Variants in MIR2052HG observed in about 807,000 individuals in gnomAD.
MIR2052HG encodes MIR2052 host gene.
intron 2 of MIR2052HG, among the ~76,000 whole-genome samples, chr8:74,682,519 GA>G (rs1563530908): frequency 6.6e-6 from 1 of 151,936 alleles, no homozygotes; most frequent in African/African-American, 2.4e-5. Context: ...AACATAAACA[GA>G]AAAACATATA....
intron 4 of MIR2052HG, among the ~76,000 whole-genome samples, chr8:74,740,350 G>C (rs1809813366): frequency 6.6e-6 from 1 of 152,114 alleles, no homozygotes; most frequent in Admixed American, 6.6e-5. Flanking sequence ...TATAATCCCA[G>C]CTACTTGGGA....
At chr8:74,669,630 C>T (rs1808969115) in intron 2 of MIR2052HG, among the ~76,000 whole-genome samples, 1 of 152,172 alleles carries the variant, frequency 6.6e-6, no homozygotes, top group African/African-American at 2.4e-5. Context: ...AGGCTCACTA[C>T]TTCTCAGGCA....
At chr8:74,680,207 C>T (rs1249683101) in intron 2 of MIR2052HG, among the ~76,000 whole-genome samples, 1 of 152,064 alleles carries the variant, frequency 6.6e-6, no homozygotes, top group Non-Finnish European at 1.5e-5. Flanking sequence ...CTAACAAATG[C>T]ATCTAGGAAT....
chr8:74,603,414 C>T lies in MIR2052HG; in HGVS notation n.128+3506C>T, dbSNP rs73687174. 735 of 1,610,052 alleles carry T rather than the reference C, an allele frequency of 4.6e-4. 5 individuals are homozygous for T. In the African/African-American group the frequency reaches 8.4e-3, roughly 18 times the overall value. Reference sequence around the variant, plus strand: ...TATCAGTAGATCCTTCCACTGGGTTCGCAATTTTGATCTGTGCCCCAGACA... The same window carrying T: ...TATCAGTAGATCCTTCCACTGGGTTTGCAATTTTGATCTGTGCCCCAGACA... On this transcript the variant is annotated intron_variant and non_coding_transcript_variant, in intron 1 of 6. Transcript: ENST00000523442.
At chr8:74,632,182 G>T (rs1479439549) in intron 2 of MIR2052HG, among the ~76,000 whole-genome samples, 1 of 152,072 alleles carries the variant, frequency 6.6e-6, no homozygotes, top group Non-Finnish European at 1.5e-5. Flanking sequence ...TTATGATCTG[G>T]GCATCCCTCC....
intron 2 of MIR2052HG, among the ~76,000 whole-genome samples, chr8:74,635,064 G>C (rs1479212312): frequency 6.6e-6 from 1 of 152,088 alleles, no homozygotes. Flanking sequence ...AGAGAAATTT[G>C]GGGGGTTGGG....
chr8:74,706,710 T>C (rs1193537805), intron 4 of MIR2052HG, among the ~76,000 whole-genome samples: 2 of 152,150 alleles, frequency 1.3e-5, no homozygotes, highest in Non-Finnish European at 2.9e-5. Context: ...AATCCATGCT[T>C]AACCAATTGT....
At chr8:74,730,331 T>C (rs1809678679) in intron 4 of MIR2052HG, among the ~76,000 whole-genome samples, 1 of 152,208 alleles carries the variant, frequency 6.6e-6, no homozygotes, top group Admixed American at 6.5e-5. Context: ...ATTTTCTCTT[T>C]GCTATAACAA....
intron 1 of MIR2052HG, chr8:74,609,577 A>G (rs915120837): frequency 6.6e-5 from 10 of 151,836 alleles, no homozygotes; most frequent in African/African-American, 2.2e-4. Context: ...TTAACAACAT[A>G]TAACAGTGAT....
intron 2 of MIR2052HG, among the ~76,000 whole-genome samples, chr8:74,699,501 G>A (rs751199105): frequency 1.3e-5 from 2 of 151,766 alleles, no homozygotes; most frequent in African/African-American, 4.8e-5. Flanking sequence ...AACCTGGATG[G>A]AATTGGAGAT....
intron 2 of MIR2052HG, among the ~76,000 whole-genome samples, chr8:74,669,428 C>T (rs575246478): frequency 1.3e-5 from 2 of 152,296 alleles, no homozygotes; most frequent in Non-Finnish European, 2.9e-5. Context: ...CTAATTGTAT[C>T]GCTGTCTCCT....
At chr8:74,727,159 C>G (rs542941250) in intron 4 of MIR2052HG, among the ~76,000 whole-genome samples, 18 of 152,286 alleles carry the variant, frequency 1.2e-4, no homozygotes, top group Non-Finnish European at 1.9e-4. Context: ...GACACACACA[C>G]ACACTTAAAT....
intron 2 of MIR2052HG, chr8:74,625,220 T>A (rs1055979031): frequency 1.6e-4 from 24 of 152,096 alleles, no homozygotes; most frequent in African/African-American, 5.8e-4. Flanking sequence ...CACCATGCCA[T>A]GTTAATTTTT....
intron 4 of MIR2052HG, among the ~76,000 whole-genome samples, chr8:74,741,792 C>T (rs1321715231): frequency 6.6e-6 from 1 of 152,122 alleles, no homozygotes; most frequent in East Asian, 1.9e-4. Flanking sequence ...CAGCACTAAG[C>T]GTGGGCGCCA....
intron 5 of MIR2052HG, among the ~76,000 whole-genome samples, chr8:74,752,893 C>T (rs1010696484): frequency 6.6e-6 from 1 of 152,158 alleles, no homozygotes; most frequent in African/African-American, 2.4e-5. Flanking sequence ...AAAGACTGTC[C>T]CTGAGAGCAT....
At chr8:74,703,549 TC>T (rs1422546402) in intron 3 of MIR2052HG, 1 of 401,062 alleles carries the variant, frequency 2.5e-6, no homozygotes, top group Non-Finnish European at 5.0e-6. Context: ...TTGTGACCCA[TC>T]CCCCTTCATG....
intron 2 of MIR2052HG, among the ~76,000 whole-genome samples, chr8:74,695,856 A>T (rs1304115743): frequency 6.6e-6 from 1 of 152,150 alleles, no homozygotes; most frequent in Non-Finnish European, 1.5e-5. Flanking sequence ...AATGAGATAG[A>T]CAGCAACACA....
At chr8:74,749,381 C>T (rs1369896878) in intron 4 of MIR2052HG, among the ~76,000 whole-genome samples, 1 of 151,882 alleles carries the variant, frequency 6.6e-6, no homozygotes, top group Non-Finnish European at 1.5e-5. Flanking sequence ...ATGGATGATG[C>T]CACTTCCTAT....
At chr8:74,655,750 C>T (rs1444454662) in intron 2 of MIR2052HG, among the ~76,000 whole-genome samples, 1 of 152,176 alleles carries the variant, frequency 6.6e-6, no homozygotes, top group African/African-American at 2.4e-5. Flanking sequence ...AGCATCCATA[C>T]TAGGGCATCA....
Sources: gnomAD v4.1 joint callset for allele counts (sites outside exome capture counted in the v4.1 genomes callset) on GRCh38, gnomAD v4.1.1 for gene constraint, MANE v1.5 for transcripts, NCBI Gene and HGNC (gene_info 2026-07-23, HGNC 2026-07-21) for gene names.